The following KMT2C variants were observed in gnomAD, a reference collection of about 807,000 sequenced individuals.
The protein encoded by KMT2C is lysine methyltransferase 2C.
KMT2C carries 88 observed loss-of-function variants against 507.9 expected under a neutral mutation model. The ratio of observed to expected loss-of-function variants is 0.17; its 90% CI spans 0.15 to 0.21. The LOEUF (loss-of-function observed/expected upper bound fraction) is 0.21, where lower values mean the gene tolerates loss of function less well. KMT2C is among the 10% of genes least tolerant of loss of function. The pLI, the probability that KMT2C is intolerant of heterozygous loss-of-function variation, is 1.00. For missense variants in KMT2C, 4,954 were observed against 5,957.8 expected (o/e 0.83, Z 5.55); for synonymous variants, 2,049 against 2,080.8 (o/e 0.98, Z 0.42).
intron 1 of KMT2C, among the ~76,000 whole-genome samples, chr7:152,432,677 T>C (rs2097874292): frequency 6.6e-6 from 1 of 152,244 alleles, no homozygotes; most frequent in Admixed American, 6.5e-5. Context: ...GCAGTAACTA[T>C]ATAGCTATGC....
intron 28 of KMT2C, 67 bp from the exon 29 acceptor site, chr7:152,194,635 A>C: frequency 2.5e-6 from 3 of 1,211,610 alleles, no homozygotes; most frequent in Non-Finnish European, 3.6e-6. Flanking sequence ...GTATAGCACT[A>C]TTTACCTGTA....
At chr7:152,152,152 G>C (rs1231706178) in intron 49 of KMT2C, among the ~76,000 whole-genome samples, 1 of 152,214 alleles carries the variant, frequency 6.6e-6, no homozygotes, top group Non-Finnish European at 1.5e-5. Flanking sequence ...CCTGGACTGA[G>C]CACGCCTGTA....
At chr7:152,336,597 A>G (rs1462022329) in intron 2 of KMT2C, among the ~76,000 whole-genome samples, 1 of 152,154 alleles carries the variant, frequency 6.6e-6, no homozygotes, top group East Asian at 1.9e-4. Context: ...GCTTTGCCTA[A>G]AGAAAGAAGC....
chr7:152,299,768 G>A (rs2096550098), intron 6 of KMT2C, among the ~76,000 whole-genome samples: 1 of 151,498 alleles, frequency 6.6e-6, no homozygotes, highest in Non-Finnish European at 1.5e-5. Context: ...AAAAGCAGAG[G>A]TTTTAGACCA....
At chr7:152,199,219 C>A (rs2129132792) in intron 27 of KMT2C, 60 bp downstream of exon 27, 1 of 1,343,622 alleles carries the variant, frequency 7.4e-7, no homozygotes. Context: ...AAAGATTTAA[C>A]TGAAAGGAAG....
chr7:152,248,591 A>G lies in KMT2C; in HGVS notation c.1843T>C (p.Leu615=), dbSNP rs752348256. 24 of 1,612,040 alleles carry G rather than the reference A, an allele frequency of 1.5e-5. No homozygotes were observed. The East Asian group carries it at 3.6e-4, about 24-fold the overall frequency. Reference sequence around the variant, plus strand: ...ACTTCATTAGAAATCTGTTTTTCCAATTCAGTATTCACTGTATGTTGGGAT... The same window carrying G: ...ACTTCATTAGAAATCTGTTTTTCCAGTTCAGTATTCACTGTATGTTGGGAT... ...VSSQHTVNTE[L]EKQISNEVDS... The change falls in exon 14 of 59, where the codon TTG becomes CTG. Residue 615 remains leucine, a synonymous_variant. Coordinates refer to ENST00000262189, the MANE Select transcript of KMT2C (RefSeq NM_170606.3).
intron 6 of KMT2C, among the ~76,000 whole-genome samples, chr7:152,294,150 G>GT (rs1166789984): frequency 1.3e-5 from 2 of 151,930 alleles, no homozygotes; most frequent in Non-Finnish European, 2.9e-5. Context: ...GATTACAGGT[G>GT]TGAGCCACTA....
chr7:152,245,707 G>A (rs1457119945), intron 14 of KMT2C, among the ~76,000 whole-genome samples: 1 of 152,060 alleles, frequency 6.6e-6, no homozygotes, highest in African/African-American at 2.4e-5. Context: ...TCCTAGAAAA[G>A]CTCATATAAT....
chr7:152,384,443 T>C (rs2097402125), intron 1 of KMT2C, among the ~76,000 whole-genome samples: 1 of 152,100 alleles, frequency 6.6e-6, no homozygotes, highest in South Asian at 2.1e-4. Context: ...CCTCCTCCAA[T>C]AGCAAACTGC....
intron 1 of KMT2C, among the ~76,000 whole-genome samples, chr7:152,433,524 AC>A (rs200783025): frequency 2.6e-5 from 4 of 152,222 alleles, no homozygotes; most frequent in African/African-American, 4.8e-5. Context: ...TTCAAAAAAA[AC>A]GCTCTAAAAA....
chr7:152,230,184 T>A (rs759018204), intron 17 of KMT2C, 36 bp downstream of exon 17: 2 of 1,227,678 alleles, frequency 1.6e-6, no homozygotes, highest in Non-Finnish European at 2.4e-6. Flanking sequence ...CAAGGAGGAA[T>A]TCAATGAGGA....
At chr7:152,253,807 A>T (rs2095602952) in intron 9 of KMT2C, among the ~76,000 whole-genome samples, 2 of 152,148 alleles carry the variant, frequency 1.3e-5, no homozygotes, top group South Asian at 4.1e-4. Flanking sequence ...GAATAGAGAG[A>T]GTGTCCTATC....
intron 4 of KMT2C, among the ~76,000 whole-genome samples, chr7:152,313,037 T>C (rs922058939): frequency 2.6e-5 from 4 of 152,166 alleles, no homozygotes; most frequent in African/African-American, 9.6e-5. Flanking sequence ...TATCAAACCA[T>C]ATAAAAATAA....
Position 152,205,190 on chromosome 7 carries a change from T to C in KMT2C, c.3877A>G (p.Thr1293Ala). The change falls in exon 25 of 59, where the codon ACT becomes GCT. Residue 1293 changes from threonine (T) to alanine (A), a missense_variant. By Grantham distance (58) the Thr-to-Ala change is moderately conservative (BLOSUM62 0). This residue lies in a region of KMT2C where 176 missense variants were observed against 262.0 expected (regional missense o/e 0.67). Transcript: ENST00000262189. ...GGFMVRQRSR[T>A]GQGKTKRSVI... ...GATCTTTTGGTTTTCCCTTGCCCAG[T>C]TCGACTTCTTTGCCGCACCATAAAT... The C allele has an allele frequency of 6.2e-7, 1 of 1,611,266 alleles. No homozygotes were observed. The highest frequency in any genetic ancestry group is 8.5e-7 in the Non-Finnish European group (1 of 1,178,586).
At chr7:152,323,836 G>C (rs1189037908) in intron 3 of KMT2C, among the ~76,000 whole-genome samples, 2 of 149,282 alleles carry the variant, frequency 1.3e-5, no homozygotes, top group Non-Finnish European at 3.0e-5. Flanking sequence ...AGGAAGAGTG[G>C]GGAGAGAGAG....
In KMT2C at chr7:152,435,745, C is replaced by A. The variant is rs1448929958; in HGVS notation, c.42G>T (p.Pro14=). 2.0e-6 allele frequency: 3 copies of A among 1,507,550 alleles called. No individual in the cohort carries two copies. The highest frequency in any genetic ancestry group is 2.7e-6 in the Non-Finnish European group (3 of 1,124,684). 93.4% of individuals were successfully genotyped at this position (1,507,550 alleles called of 1,614,324 possible). A position where few individuals can be genotyped will look rare whatever the true frequency, so the allele number is the denominator to read the frequency against. The change falls in exon 1 of 59, where the codon CCG becomes CCT. Residue 14 remains proline (P), a synonymous_variant. Transcript: ENST00000262189. ...CAGGCTCCTCGGGGGGTGGTGGCGG[C>A]GGCTGCGGCTGCTCCACGCTCTTGT... ...EEDKSVEQPQ[P]PPPPPEEPGA...
At chr7:152,297,047 A>C (rs867194140) in intron 6 of KMT2C, among the ~76,000 whole-genome samples, 881 of 68,874 alleles carry the variant, frequency 0.013, 21 homozygotes, top group East Asian at 0.027. Context: ...GAAAGAAAGA[A>C]AGAAAGACAG....
At chr7:152,298,421 A>G (rs2096535750) in intron 6 of KMT2C, among the ~76,000 whole-genome samples, 2 of 152,228 alleles carry the variant, frequency 1.3e-5, no homozygotes, top group African/African-American at 2.4e-5. Flanking sequence ...CATGTTACCT[A>G]TAGAAGAACA....
In KMT2C at chr7:152,176,527, C is replaced by T. The variant is rs757577239; in HGVS notation, c.8926G>A (p.Val2976Ile). 1.2e-6 allele frequency: 2 copies of T among 1,614,162 alleles called. No individual in the cohort carries two copies. Among genetic ancestry groups the T allele is most frequent in the African/African-American group, 1.3e-5 (1 of 75,040 alleles). The change falls in exon 38 of 59, where the codon GTC becomes ATC. Residue 2976 changes from valine to isoleucine, a missense_variant. This residue lies in a region of KMT2C where 1,689 missense variants were observed against 1,654.3 expected (regional missense o/e 1.02). Transcript: ENST00000262189. ...DNAMNSNVTV[V>I]SRVNHVFSQG... is the part of the protein sequence containing the mutation. Reference sequence around the variant, plus strand: ...GAAAAAACATGGTTTACCCTAGAGACTACTGTCACATTAGAATTCATGGCA... The same window carrying T: ...GAAAAAACATGGTTTACCCTAGAGATTACTGTCACATTAGAATTCATGGCA...
Sources: gnomAD v4.1 joint callset for allele counts (sites outside exome capture counted in the v4.1 genomes callset) on GRCh38, gnomAD v4.1.1 for gene constraint, gnomAD v4.1.1 regional missense constraint, MANE v1.5 for transcripts, NCBI Gene and HGNC (gene_info 2026-07-23, HGNC 2026-07-21) for gene names.